The following AOPEP variants were observed in gnomAD, a reference collection of about 807,000 sequenced individuals.
AOPEP encodes aminopeptidase O.
Under a neutral mutation model 98.1 loss-of-function variants are expected in AOPEP, and 77 were observed. The ratio of observed to expected loss-of-function variants is 0.78; its 90% CI spans 0.65 to 0.95. The LOEUF (loss-of-function observed/expected upper bound fraction) is 0.95. Ranked by LOEUF, AOPEP falls within the 40% of genes least tolerant of loss-of-function variation. AOPEP has a pLI of 0.00. For synonymous variants in AOPEP, 346 were observed against 365.3 expected (o/e 0.95, Z 0.60); for missense variants, 1,024 against 1,024.7 (o/e 1.00, Z 0.01).
chr9:94,996,385 TGTG>T (rs1564498110), intron 11 of AOPEP, among the ~76,000 whole-genome samples: 10 of 144,708 alleles, frequency 6.9e-5, no homozygotes, highest in African/African-American at 2.6e-4. Context: ...TGTGTGTGTG[TGTG>T]TGTGAGAGAG....
intron 4 of AOPEP, among the ~76,000 whole-genome samples, chr9:94,795,411 A>G (rs781237631): frequency 2.0e-5 from 3 of 152,128 alleles, no homozygotes; most frequent in Non-Finnish European, 2.9e-5. Context: ...GTGGTTGGAT[A>G]TACCTCTTTG....
chr9:94,909,290 C>G (rs2051638195), intron 5 of AOPEP, among the ~76,000 whole-genome samples: 1 of 148,010 alleles, frequency 6.8e-6, no homozygotes, highest in African/African-American at 2.5e-5. Flanking sequence ...GTTTTTCTTT[C>G]CGCCAGGCTT....
intron 1 of AOPEP, among the ~76,000 whole-genome samples, chr9:94,753,638 A>G (rs1161605400): frequency 1.3e-5 from 2 of 152,234 alleles, no homozygotes; most frequent in Non-Finnish European, 2.9e-5. Context: ...ATTGTGATAA[A>G]TGTAAAGAAA....
intron 11 of AOPEP, among the ~76,000 whole-genome samples, chr9:94,993,108 C>A (rs1367566806): frequency 6.6e-6 from 1 of 152,138 alleles, no homozygotes; most frequent in African/African-American, 2.4e-5. Context: ...TAGTTGAAAT[C>A]AATTATTCAT....
chr9:95,009,318 CTT>C (rs1452867114), intron 13 of AOPEP, among the ~76,000 whole-genome samples: 3 of 151,222 alleles, frequency 2.0e-5, no homozygotes, highest in Non-Finnish European at 4.4e-5. Context: ...TTTAGTAACT[CTT>C]TTATCAATAT....
chr9:94,998,231 A>C (rs546816669), intron 11 of AOPEP, among the ~76,000 whole-genome samples: 7 of 151,616 alleles, frequency 4.6e-5, no homozygotes, highest in African/African-American at 1.5e-4. Context: ...TTCCGTAAGT[A>C]CTCACGCTGG....
intron 7 of AOPEP, among the ~76,000 whole-genome samples, chr9:94,936,550 A>G (rs748976067): frequency 6.6e-6 from 1 of 152,100 alleles, no homozygotes; most frequent in Non-Finnish European, 1.5e-5. Flanking sequence ...TCACTCCACA[A>G]CCATCAACAC....
intron 5 of AOPEP, among the ~76,000 whole-genome samples, chr9:94,876,584 C>G (rs2046974364): frequency 6.6e-6 from 1 of 152,144 alleles, no homozygotes; most frequent in Non-Finnish European, 1.5e-5. Context: ...CCAGGTTGGT[C>G]TCGATCTCCT....
intron 13 of AOPEP, among the ~76,000 whole-genome samples, chr9:95,051,786 C>A (rs1032867311): frequency 6.6e-6 from 1 of 151,882 alleles, no homozygotes; most frequent in African/African-American, 2.4e-5. Context: ...TCACTGCAAG[C>A]TCTGCCTCCC....
chr9:94,928,335 C>G, intron 6 of AOPEP, 90 bp from the exon 7 acceptor site: 1 of 886,094 alleles, frequency 1.1e-6, no homozygotes, highest in Non-Finnish European at 1.7e-6. Flanking sequence ...GCTATCTTGT[C>G]CCCCATTGAA....
At chr9:95,141,194 C>T in the AOPEP span, among the ~76,000 whole-genome samples, 56 of 151,392 alleles carry the variant, frequency 3.7e-4, no homozygotes, top group Non-Finnish European at 6.6e-4. Context: ...TGCCTGTAGT[C>T]CCAGCCACTC....
intron 1 of AOPEP, among the ~76,000 whole-genome samples, chr9:94,747,550 GGGGA>G (rs1359797969): frequency 6.6e-6 from 1 of 152,088 alleles, no homozygotes; most frequent in East Asian, 1.9e-4. Context: ...CATGAACAAA[GGGGA>G]AAAGCTTAAG....
Position 94,773,032 on chromosome 9 carries a change from A to G in AOPEP, c.828A>G (p.Ile276Met), listed in dbSNP as rs776284232. Reference sequence around the variant, plus strand: ...GTGTTTATACTGTGGGATCTCCCATAAACAACAGGGCCCTTTTTCCATGCC... The same window carrying G: ...GTGTTTATACTGTGGGATCTCCCATGAACAACAGGGCCCTTTTTCCATGCC... Reference protein sequence around the residue: ...RPCVYTVGSPINNRALFPCQE... With the variant: ...RPCVYTVGSPMNNRALFPCQE... Residue 276 changes from isoleucine to methionine, a missense_variant, in exon 3 of 17, where the codon ATA becomes ATG. Coordinates refer to ENST00000375315, the MANE Select transcript of AOPEP (RefSeq NM_001193329.3). 2 of 1,613,914 alleles carry G rather than the reference A, an allele frequency of 1.2e-6. No individual in the cohort carries two copies. Among genetic ancestry groups the G allele is most frequent in the South Asian group, 2.2e-5 (2 of 91,054 alleles).
chr9:94,931,802 C>G (rs1412547635), intron 7 of AOPEP: 2 of 1,547,640 alleles, frequency 1.3e-6, no homozygotes, highest in Admixed American at 4.0e-5. Context: ...GTCCTAAAAA[C>G]GCTTTCTTCT....
intron 11 of AOPEP, among the ~76,000 whole-genome samples, chr9:94,999,899 C>T (rs2061453315): frequency 6.6e-6 from 1 of 152,104 alleles, no homozygotes; most frequent in African/African-American, 2.4e-5. Flanking sequence ...AATGGAAGAA[C>T]TAAGCATTGT....
intron 4 of AOPEP, among the ~76,000 whole-genome samples, chr9:94,793,123 T>C (rs550058850): frequency 6.6e-6 from 1 of 152,240 alleles, no homozygotes; most frequent in East Asian, 1.9e-4. Context: ...CCCAACACTT[T>C]GGGAGGCCGA....
chr9:95,149,786 T>A, the AOPEP span: 1 of 1,022,406 alleles, frequency 9.8e-7, no homozygotes, highest in Non-Finnish European at 1.5e-6. Context: ...GCCGGGATAC[T>A]CAGTAATTTT....
chr9:94,796,418 A>G (rs1450708022), intron 4 of AOPEP, among the ~76,000 whole-genome samples: 2 of 152,176 alleles, frequency 1.3e-5, no homozygotes, highest in Non-Finnish European at 2.9e-5. Context: ...TACATGTCTG[A>G]CTGCATGCAA....
At chr9:95,023,496 G>C (rs12346261) in intron 13 of AOPEP, among the ~76,000 whole-genome samples, 16,054 of 152,266 alleles carry the variant, frequency 0.11, 976 homozygotes, top group East Asian at 0.18. Flanking sequence ...CTCAGGTTCA[G>C]TTGGAAGTTT....
Sources: gnomAD v4.1 joint callset for allele counts (sites outside exome capture counted in the v4.1 genomes callset) on GRCh38, gnomAD v4.1.1 for gene constraint, MANE v1.5 for transcripts, NCBI Gene and HGNC (gene_info 2026-07-23, HGNC 2026-07-21) for gene names.